ANKRD12: variants seen among roughly 807,000 people sequenced by gnomAD.
The protein encoded by ANKRD12 is ankyrin repeat domain-containing protein 12.
In ANKRD12, 85 loss-of-function variants were observed where a neutral mutation model predicts 183.4. The ratio of observed to expected loss-of-function variants is 0.46; its 90% CI spans 0.39 to 0.56. ANKRD12 has a LOEUF of 0.56. Ranked by LOEUF, ANKRD12 falls within the 20% of genes least tolerant of loss-of-function variation. The pLI is 0.00. For synonymous variants in ANKRD12, 914 were observed against 800.2 expected (o/e 1.14, Z -2.40); for missense variants, 2,405 against 2,357.1 (o/e 1.02, Z -0.42).
intron 10 of ANKRD12, among the ~76,000 whole-genome samples, chr18:9,273,908 A>T (rs1413343151): frequency 2.6e-5 from 4 of 152,220 alleles, no homozygotes; most frequent in Non-Finnish European, 5.9e-5. Flanking sequence ...GTGCAGATTT[A>T]TTTAAGATTT....
intron 1 of ANKRD12, among the ~76,000 whole-genome samples, chr18:9,161,219 C>T (rs2031366721): frequency 6.6e-6 from 1 of 152,052 alleles, no homozygotes; most frequent in Admixed American, 6.6e-5. Flanking sequence ...TAAAACTGAG[C>T]TCTTAAAGAG....
At chr18:9,221,134 A>G (rs2036397725) in intron 7 of ANKRD12, among the ~76,000 whole-genome samples, 1 of 152,216 alleles carries the variant, frequency 6.6e-6, no homozygotes, top group Non-Finnish European at 1.5e-5. Flanking sequence ...GGCTTCTAAA[A>G]AGGAGCCAAC....
intron 1 of ANKRD12, among the ~76,000 whole-genome samples, chr18:9,176,168 G>A (rs2033249137): frequency 6.6e-6 from 1 of 152,192 alleles, no homozygotes; most frequent in South Asian, 2.1e-4. Flanking sequence ...TCTGTGAGGA[G>A]TCACAGATAG....
chr18:9,284,924 A>T lies in ANKRD12; in HGVS notation c.*3798A>T, dbSNP rs1028754395. 1 of 152,234 alleles carries T rather than the reference A, an allele frequency of 6.6e-6. No homozygotes were observed. 9.4% of individuals were successfully genotyped at this position (152,234 alleles called of 1,614,324 possible). On this transcript the variant is annotated 3_prime_UTR_variant, in exon 13 of 13. Coordinates refer to ENST00000262126, the MANE Select transcript of ANKRD12 (RefSeq NM_015208.5). ...GCGTCCTCATAAAAGAAAATAGGCCAGGCCAGGCGCAGTGGCTCGCGCCTG... is the reference window on the plus strand; with the variant it reads ...GCGTCCTCATAAAAGAAAATAGGCCTGGCCAGGCGCAGTGGCTCGCGCCTG...
chr18:9,263,344 A>T (rs2039092665), intron 9 of ANKRD12, among the ~76,000 whole-genome samples: 1 of 152,214 alleles, frequency 6.6e-6, no homozygotes, highest in African/African-American at 2.4e-5. Context: ...AAAGAATTAA[A>T]TGTAACACTC....
chr18:9,270,510 C>T (rs2039539356), intron 10 of ANKRD12, among the ~76,000 whole-genome samples: 2 of 152,086 alleles, frequency 1.3e-5, no homozygotes, highest in African/African-American at 4.8e-5. Context: ...CAAACTATCG[C>T]AAGGACAAAA....
At chr18:9,215,015 G>A (rs2036014603) in intron 6 of ANKRD12, among the ~76,000 whole-genome samples, 1 of 152,086 alleles carries the variant, frequency 6.6e-6, no homozygotes, top group Non-Finnish European at 1.5e-5. Flanking sequence ...AATAATTTTA[G>A]AACAAGGTTT....
At chr18:9,280,876 G>C (rs759092537) in intron 12 of ANKRD12, 65 bp from the exon 13 acceptor site, 15 of 1,501,644 alleles carry the variant, frequency 1.0e-5, no homozygotes, top group Non-Finnish European at 1.4e-5. Context: ...AACTGGATGA[G>C]ATTAATTTTT....
At position 9,281,795 on chromosome 18, in the gene ANKRD12, G is replaced by A. The variant is rs894529802; in HGVS notation, c.*669G>A. On this transcript the variant is annotated 3_prime_UTR_variant, in exon 13 of 13. Coordinates refer to ENST00000262126, the MANE Select transcript of ANKRD12 (RefSeq NM_015208.5). Reference sequence around the variant, plus strand: ...AAAGTTGTGGTTTGTATGGAGTGTAGTAGTAGTGTGTACAGGTAGAAAACT... The same window carrying A: ...AAAGTTGTGGTTTGTATGGAGTGTAATAGTAGTGTGTACAGGTAGAAAACT... 6 of 152,644 alleles carry A rather than the reference G, an allele frequency of 3.9e-5. No homozygotes were observed. Among genetic ancestry groups the A allele is most frequent in the Non-Finnish European group, 5.9e-5 (4 of 68,048 alleles). 9.5% of individuals were successfully genotyped at this position (152,644 alleles called of 1,614,324 possible). A position where few individuals can be genotyped will look rare whatever the true frequency, so the allele number is the denominator to read the frequency against.
chr18:9,265,624 A>G lies in ANKRD12; in HGVS notation c.5763+1736A>G, dbSNP rs540840043. Among the ~76,000 whole-genome samples, 172 of 152,288 alleles carry G rather than the reference A, an allele frequency of 1.1e-3. 2 individuals are homozygous for G. The highest frequency in any genetic ancestry group is 3.9e-3 in the African/African-American group (164 of 41,566). ...ACATCCACACCAAAACCCCATCAGTATGTCACCCATCATCAAAGACCAAAG... is the reference window on the plus strand; with the variant it reads ...ACATCCACACCAAAACCCCATCAGTGTGTCACCCATCATCAAAGACCAAAG... On this transcript the variant is annotated intron_variant, in intron 10 of 12. Coordinates refer to ENST00000262126, the MANE Select transcript of ANKRD12 (RefSeq NM_015208.5).
At chr18:9,174,399 T>A (rs1331697764) in intron 1 of ANKRD12, among the ~76,000 whole-genome samples, 3 of 152,212 alleles carry the variant, frequency 2.0e-5, no homozygotes, top group African/African-American at 7.2e-5. Flanking sequence ...GGGTGGAGTC[T>A]GTAAAACTCC....
intron 8 of ANKRD12, among the ~76,000 whole-genome samples, chr18:9,243,844 A>C (rs1287522943): frequency 6.6e-6 from 1 of 152,226 alleles, no homozygotes; most frequent in Non-Finnish European, 1.5e-5. Flanking sequence ...AATTGAAGAA[A>C]GTGTCTTGAG....
chr18:9,172,683 A>G (rs1022415662), intron 1 of ANKRD12, among the ~76,000 whole-genome samples: 3 of 152,110 alleles, frequency 2.0e-5, no homozygotes, highest in African/African-American at 7.2e-5. Flanking sequence ...AGCTCAGCCA[A>G]GTTCATTATC....
intron 8 of ANKRD12, among the ~76,000 whole-genome samples, chr18:9,224,325 C>CA (rs1284795790): frequency 6.6e-6 from 1 of 151,792 alleles, no homozygotes; most frequent in Non-Finnish European, 1.5e-5. Context: ...GATTGGAAGA[C>CA]AGAGAGAGGG....
chr18:9,193,909 A>G lies in ANKRD12; in HGVS notation c.88-1642A>G, dbSNP rs74750779. Among the ~76,000 whole-genome samples the G allele has an allele frequency of 1.9e-3, 296 of 152,286 alleles. 2 individuals carry two copies. The highest frequency in any genetic ancestry group is 8.3e-4 in the South Asian group (4 of 4,828). On this transcript the variant is annotated intron_variant, in intron 2 of 12. Transcript: ENST00000262126. ...TTTTAGATGTGCTGTATCAATTTGG[A>G]TGTTTTGATTATAGGAGTGAACTTT...
At chr18:9,208,590 C>A in intron 4 of ANKRD12, 67 bp from the exon 5 acceptor site, 1 of 1,421,478 alleles carries the variant, frequency 7.0e-7, no homozygotes, top group South Asian at 1.4e-5. Context: ...TCAAAAAATT[C>A]ATCTTAAACT....
intron 1 of ANKRD12, among the ~76,000 whole-genome samples, chr18:9,170,653 A>G (rs181118811): frequency 3.3e-5 from 5 of 152,118 alleles, no homozygotes; most frequent in African/African-American, 1.2e-4. Flanking sequence ...ATTGGTTTGA[A>G]TTTCCTCTTG....
At chr18:9,265,492 C>T (rs1040795839) in intron 10 of ANKRD12, among the ~76,000 whole-genome samples, 3 of 152,122 alleles carry the variant, frequency 2.0e-5, no homozygotes, top group Non-Finnish European at 4.4e-5. Context: ...CTGCAGTCTC[C>T]GCTGCTGTTA....
intron 1 of ANKRD12, among the ~76,000 whole-genome samples, chr18:9,177,896 T>C (rs7506330): frequency 0.37 from 56,364 of 152,102 alleles, 12,586 homozygotes; most frequent in Non-Finnish European, 0.48. Flanking sequence ...CCATTCATTA[T>C]ATGTTATTTG....
Sources: allele counts gnomAD v4.1 joint callset (sites outside exome capture counted in the v4.1 genomes callset), GRCh38; gene constraint gnomAD v4.1.1; transcripts MANE v1.5; gene names NCBI Gene and HGNC (gene_info 2026-07-23, HGNC 2026-07-21).